EPHX2: variants seen among roughly 807,000 people sequenced by gnomAD.
EPHX2 encodes bifunctional epoxide hydrolase 2.
Under a neutral mutation model 78.7 loss-of-function variants are expected in EPHX2, and 74 were observed. The ratio of observed to expected loss-of-function variants is 0.94; its 90% confidence interval spans 0.78 to 1.14. EPHX2 has a LOEUF of 1.14. Among genes scored for constraint, EPHX2 ranks in the 50% most tolerant of loss-of-function variants. The pLI is 0.00. For synonymous variants in EPHX2, 251 were observed against 255.2 expected (o/e 0.98, Z 0.16); for missense variants, 715 against 702.5 (o/e 1.02, Z -0.20).
intron 7 of EPHX2, among the ~76,000 whole-genome samples, 166 bp downstream of exon 7, chr8:27,515,979 T>C (rs1433318038): frequency 6.6e-6 from 1 of 152,214 alleles, no homozygotes; most frequent in African/African-American, 2.4e-5. Flanking sequence ...CTCAGGGCTA[T>C]GTTAGGCCAC....
intron 18 of EPHX2, 69 bp downstream of exon 18, chr8:27,544,313 C>T (rs1815513854): frequency 4.4e-6 from 7 of 1,604,110 alleles, no homozygotes; most frequent in African/African-American, 1.3e-5. Flanking sequence ...TAAAAGCTTT[C>T]CTGGTTTCAT....
chr8:27,522,807 A>G (rs1814695157), intron 11 of EPHX2, among the ~76,000 whole-genome samples: 1 of 152,026 alleles, frequency 6.6e-6, no homozygotes, highest in Non-Finnish European at 1.5e-5. Context: ...CTAAAAATAC[A>G]AAAACTAGCC....
rs957433701 is a variant in EPHX2, at chr8:27,541,160, C to G, written c.1380-313C>G. On this transcript the variant is annotated intron_variant, in intron 15 of 18. Coordinates refer to ENST00000521400, the MANE Select transcript of EPHX2 (RefSeq NM_001979.6). ...CAAGTTCCCCACCATCAGCAACCTC[C>G]CCAGCCTCCAAGGTGACACGATGAC... Among the ~76,000 whole-genome samples the G allele has an allele frequency of 2.4e-4, 36 of 152,122 alleles. 1 individual carries two copies. Among genetic ancestry groups the G allele is most frequent in the Non-Finnish European group, 2.8e-4 (19 of 67,996 alleles).
At chr8:27,546,447 A>G (rs1243577207), downstream of EPHX2, among the ~76,000 whole-genome samples, 2 of 152,190 alleles carry the variant, frequency 1.3e-5, no homozygotes, top group Non-Finnish European at 2.9e-5. Context: ...TGCCACCACC[A>G]TCTCAATCTT....
chr8:27,500,954 G>T lies in EPHX2; in HGVS notation c.130G>T (p.Gly44Trp), dbSNP rs763498934. ...RGLLNDAFQK[G>W]GPEGATTRLM... is the part of the protein sequence containing the mutation. ...ACTTCTGAATGATGCTTTCCAGAAAGGGGGACCAGAGGGTGCCACTACCCG... is the reference window on the plus strand; with the variant it reads ...ACTTCTGAATGATGCTTTCCAGAAATGGGGACCAGAGGGTGCCACTACCCG... Residue 44 changes from glycine to tryptophan, a missense_variant, in exon 2 of 19, where the codon GGG becomes TGG. Coordinates refer to ENST00000521400, the MANE Select transcript of EPHX2 (RefSeq NM_001979.6). 8 of 1,613,422 alleles carry T rather than the reference G, an allele frequency of 5.0e-6. No individual in the cohort carries two copies. Among genetic ancestry groups the T allele is most frequent in the Non-Finnish European group, 6.8e-6 (8 of 1,179,704 alleles).
intron 11 of EPHX2, among the ~76,000 whole-genome samples, chr8:27,523,414 CTT>C (rs1563354310): frequency 6.6e-6 from 1 of 152,182 alleles, no homozygotes; most frequent in East Asian, 1.9e-4. Context: ...TCTGTAGTCT[CTT>C]TGGCCATTTG....
chr8:27,535,500 G>T (rs1039010957), intron 12 of EPHX2, among the ~76,000 whole-genome samples: 1 of 152,118 alleles, frequency 6.6e-6, no homozygotes, highest in Non-Finnish European at 1.5e-5. Flanking sequence ...CTGAGTGGTT[G>T]CCCCTAGTGG....
At chr8:27,518,687 C>T (rs1163288528) in intron 9 of EPHX2, among the ~76,000 whole-genome samples, 1 of 152,256 alleles carries the variant, frequency 6.6e-6, no homozygotes, top group Non-Finnish European at 1.5e-5. Flanking sequence ...ACTACGATTA[C>T]AAAAGCCTCC....
intron 14 of EPHX2, among the ~76,000 whole-genome samples, chr8:27,539,955 G>A (rs1815342575): frequency 6.6e-6 from 1 of 152,166 alleles, no homozygotes; most frequent in African/African-American, 2.4e-5. Flanking sequence ...TGAAATTGCA[G>A]TGGTCCCTGG....
At chr8:27,513,683 G>T (rs1437314148) in intron 6 of EPHX2, among the ~76,000 whole-genome samples, 2 of 152,186 alleles carry the variant, frequency 1.3e-5, no homozygotes, top group Non-Finnish European at 2.9e-5. Context: ...AAAAAAATGA[G>T]ATGGGAAAGG....
intron 14 of EPHX2, among the ~76,000 whole-genome samples, chr8:27,539,852 C>G (rs60114397): frequency 0.054 from 8,207 of 152,266 alleles, 787 homozygotes; most frequent in African/African-American, 0.19. Flanking sequence ...CTCACAAAAG[C>G]CTGGAATGAC....
At chr8:27,512,297 G>A (rs1400887085) in intron 6 of EPHX2, among the ~76,000 whole-genome samples, 3 of 152,232 alleles carry the variant, frequency 2.0e-5, no homozygotes, top group Non-Finnish European at 2.9e-5. Context: ...AGGCTAGGGA[G>A]CTTGGGCAGC....
chr8:27,539,625 G>C (rs1815329362), intron 14 of EPHX2, among the ~76,000 whole-genome samples: 1 of 152,192 alleles, frequency 6.6e-6, no homozygotes. Flanking sequence ...TGTGAGCACA[G>C]GCTGGGTATG....
chr8:27,505,756 C>G, intron 4 of EPHX2, among the ~76,000 whole-genome samples: 1 of 152,314 alleles, frequency 6.6e-6, no homozygotes, highest in African/African-American at 2.4e-5. Context: ...CCTCCCCTTT[C>G]ACCTCCTGGA....
At chr8:27,500,886 A>G in intron 1 of EPHX2, 40 bp from the exon 2 acceptor site, 2 of 1,580,858 alleles carry the variant, frequency 1.3e-6, no homozygotes, top group Non-Finnish European at 1.7e-6. Flanking sequence ...TGCCATGACA[A>G]AATCCACAGA....
At chr8:27,537,189 C>G (rs1815241413) in intron 13 of EPHX2, among the ~76,000 whole-genome samples, 1 of 152,180 alleles carries the variant, frequency 6.6e-6, no homozygotes, top group Admixed American at 6.5e-5. Context: ...ACTCTGTAAG[C>G]TGCACCCTCC....
At chr8:27,509,051 G>A (rs1280995464) in intron 5 of EPHX2, among the ~76,000 whole-genome samples, 1 of 146,270 alleles carries the variant, frequency 6.8e-6, no homozygotes, top group East Asian at 2.0e-4. Flanking sequence ...CCTGGCCCCT[G>A]GCAACCCCCA....
chr8:27,532,614 C>T (rs117497679), intron 12 of EPHX2, among the ~76,000 whole-genome samples: 167 of 152,260 alleles, frequency 1.1e-3, no homozygotes, highest in Non-Finnish European at 1.7e-3. Context: ...AGCCCCTGGC[C>T]GTTGCTGGCA....
chr8:27,528,723 T>C (rs77829677), intron 12 of EPHX2, among the ~76,000 whole-genome samples: 9 of 152,324 alleles, frequency 5.9e-5, no homozygotes, highest in African/African-American at 2.2e-4. Flanking sequence ...GCACTGAGGC[T>C]GTTCCAGACC....
Sources: allele counts gnomAD v4.1 joint callset (sites outside exome capture counted in the v4.1 genomes callset), GRCh38; gene constraint gnomAD v4.1.1; transcripts MANE v1.5; gene names NCBI Gene and HGNC (gene_info 2026-07-23, HGNC 2026-07-21).